Variants in DYNC2H1 observed in about 807,000 individuals in gnomAD.
DYNC2H1 encodes cytoplasmic dynein 2 heavy chain 1.
In DYNC2H1, 410 loss-of-function variants were observed where a neutral mutation model predicts 570.0. The observed-to-expected ratio is 0.72, with a 90% confidence interval of 0.66 to 0.78. The LOEUF (loss-of-function observed/expected upper bound fraction) is 0.78. Among genes scored for constraint, DYNC2H1 ranks in the 30% least tolerant of loss-of-function variants. The pLI, the probability that DYNC2H1 is intolerant of heterozygous loss-of-function variation, is 0.00. For synonymous variants in DYNC2H1, 1,688 were observed against 1,677.6 expected (o/e 1.01, Z -0.15); for missense variants, 4,865 against 5,046.4 (o/e 0.96, Z 1.09).
chr11:103,233,133 A>G (rs528068635), intron 60 of DYNC2H1, among the ~76,000 whole-genome samples: 28 of 152,178 alleles, frequency 1.8e-4, no homozygotes, highest in African/African-American at 6.7e-4. Context: ...ACTGTAAAGT[A>G]CATGCAACTT....
rs578105376 is a variant in DYNC2H1 at position 103,201,492 on chromosome 11, AAACAAC to A, written c.8197+1354_8197+1359del. Reference sequence around the variant, plus strand: ...ACGTTAGAATCACTAGGATAATTAAAAACAACAACAACAACAACAACTAAAAACGAA... The same window carrying A: ...ACGTTAGAATCACTAGGATAATTAAAAACAACAACAACAACTAAAAACGAA... On this transcript the variant is annotated intron_variant, in intron 50 of 88. Coordinates refer to ENST00000375735, the MANE Select transcript of DYNC2H1 (RefSeq NM_001377.3). This position sits in a 1 kb window ranked among gnomAD's most constrained non-coding sequence, Gnocchi z 4.8. 1.2e-4 allele frequency among the ~76,000 whole-genome samples: 18 copies of A among 152,098 alleles called. No homozygotes were observed. Among genetic ancestry groups the A allele is most frequent in the Non-Finnish European group, 1.9e-4 (13 of 68,010 alleles).
chr11:103,359,532 A>C (rs1367224047), intron 83 of DYNC2H1, among the ~76,000 whole-genome samples: 2 of 152,084 alleles, frequency 1.3e-5, no homozygotes, highest in African/African-American at 2.4e-5. Flanking sequence ...TTTTTCGATT[A>C]TTATGTAAAG....
At chr11:103,197,467 GAGAT>G (rs1862546574) in intron 47 of DYNC2H1, among the ~76,000 whole-genome samples, 2 of 151,882 alleles carry the variant, frequency 1.3e-5, no homozygotes, top group Admixed American at 1.3e-4. Flanking sequence ...TTATTTTTTT[GAGAT>G]AGATCTCACT....
chr11:103,119,147 T>C (rs1427315661), intron 6 of DYNC2H1, among the ~76,000 whole-genome samples: 2 of 152,322 alleles, frequency 1.3e-5, no homozygotes, highest in East Asian at 3.9e-4. Flanking sequence ...TAGATTAGTG[T>C]CATAGTAAGT....
At chr11:103,355,335 G>A (rs1363965595) in intron 82 of DYNC2H1, among the ~76,000 whole-genome samples, 1 of 151,996 alleles carries the variant, frequency 6.6e-6, no homozygotes, top group African/African-American at 2.4e-5. Flanking sequence ...AGAATTACTG[G>A]CAGTGACTAA....
chr11:103,203,715 A>G lies in DYNC2H1; in HGVS notation c.8250A>G (p.Pro2750=), dbSNP rs777165285. 2 of 1,612,462 alleles carry G rather than the reference A, an allele frequency of 1.2e-6. No individual in the cohort carries two copies. The highest frequency in any genetic ancestry group is 3.3e-5 in the Admixed American group (2 of 59,936). The part of the protein sequence containing the change: ...TLEELEPLLL[P]LKDQASQDGF... The stretch of plus-strand genomic sequence containing the variant: ...AAGAATTAGAGCCCTTGCTGTTACC[A>G]CTTAAGGATCAAGCTTCACAAGATG... The change falls in exon 51 of 89, where the codon CCA becomes CCG. Residue 2750 remains proline (P), a synonymous_variant. Transcript: ENST00000375735. This position sits in a 1 kb window ranked among gnomAD's most constrained non-coding sequence, Gnocchi z 4.7.
chr11:103,354,681 A>C lies in DYNC2H1; in HGVS notation c.12040-3562A>C, dbSNP rs557106446. On this transcript the variant is annotated intron_variant, in intron 82 of 88. Transcript: ENST00000375735. ...CTCATATTTTATATTTTCTCAAAAA[A>C]TAATTTTGCTAAATTTATAACAATG... is the stretch of plus-strand genomic sequence containing the variant. 3.9e-5 allele frequency among the ~76,000 whole-genome samples: 6 copies of C among 152,256 alleles called. No homozygotes were observed. In the East Asian group the frequency reaches 1.2e-3, roughly 29 times the overall value.
In DYNC2H1 at chr11:103,326,423, C is replaced by A. The variant is rs768727912; in HGVS notation, c.12039+2433C>A. 3.3e-5 allele frequency among the ~76,000 whole-genome samples: 5 copies of A among 152,122 alleles called. No individual in the cohort carries two copies. Among genetic ancestry groups the A allele is most frequent in the African/African-American group, 4.8e-5 (2 of 41,416 alleles). Reference sequence around the variant, plus strand: ...TTTCTGGGCCAGCCCTGTGGAGGGACGTACGAACCGCCTCTGTGCTGGCCC... The same window carrying A: ...TTTCTGGGCCAGCCCTGTGGAGGGAAGTACGAACCGCCTCTGTGCTGGCCC... On this transcript the variant is annotated intron_variant, in intron 82 of 88. Coordinates refer to ENST00000375735, the MANE Select transcript of DYNC2H1 (RefSeq NM_001377.3). The surrounding 1 kb of genome is among the most constrained non-coding windows in gnomAD (Gnocchi z 6.1).
Position 103,479,179 on chromosome 11 carries a change from A to G in DYNC2H1, c.12850A>G (p.Ile4284Val), listed in dbSNP as rs2135879619. ...SAERDRVVTN[I>V]DVPCGGNQDQ... ...TGAAAGGGATCGTGTGGTTACCAAT[A>G]TTGATGTTCCATGTGGGGGCAACCA... The change falls in exon 89 of 89, where the codon ATT becomes GTT. Residue 4284 changes from isoleucine to valine, a missense_variant. This residue lies in a region of DYNC2H1 where 2,401 missense variants were observed against 2,454.6 expected (regional missense o/e 0.98). Transcript: ENST00000375735. The G allele has an allele frequency of 6.2e-7, 1 of 1,613,858 alleles. No homozygotes were observed. The highest frequency in any genetic ancestry group is 2.2e-5 in the East Asian group (1 of 44,858).
At chr11:103,144,576 G>GTGTGCTGAAATCAATTA (rs1860140068) in intron 18 of DYNC2H1, among the ~76,000 whole-genome samples, 1 of 152,154 alleles carries the variant, frequency 6.6e-6, no homozygotes, top group Non-Finnish European at 1.5e-5. Context: ...CTGAAAATAT[G>GTGTGCTGAAATCAATTA]AAGTTGGTTA....
At chr11:103,321,465 T>G (rs997633954) in intron 81 of DYNC2H1, among the ~76,000 whole-genome samples, 1 of 152,124 alleles carries the variant, frequency 6.6e-6, no homozygotes, top group Non-Finnish European at 1.5e-5. Flanking sequence ...TAGGCTGGTA[T>G]ATAGACAGAT....
intron 31 of DYNC2H1, among the ~76,000 whole-genome samples, chr11:103,168,393 A>G (rs1046604428): frequency 4.6e-5 from 7 of 152,124 alleles, no homozygotes; most frequent in African/African-American, 1.7e-4. Flanking sequence ...GTCTTCCTCA[A>G]CCTGCCTGCT....
At chr11:103,389,050 T>C (rs1328739991) in intron 83 of DYNC2H1, among the ~76,000 whole-genome samples, 1 of 152,204 alleles carries the variant, frequency 6.6e-6, no homozygotes, top group Middle Eastern at 3.2e-3. Context: ...TCTTTTTCTA[T>C]TGATTGGAAT....
At position 103,254,795 on chromosome 11, in the gene DYNC2H1, G is replaced by A. The variant is rs367587690; in HGVS notation, c.10207-620G>A. On this transcript the variant is annotated intron_variant, in intron 66 of 88. Transcript: ENST00000375735. The surrounding 1 kb of genome is among the most constrained non-coding windows in gnomAD (Gnocchi z 4.9). Reference sequence around the variant, plus strand: ...TTATTTTATTTTATTTTTTTGAGACGGAGTCTGGCACTGTTGCCCAGGCTG... The same window carrying A: ...TTATTTTATTTTATTTTTTTGAGACAGAGTCTGGCACTGTTGCCCAGGCTG... Among the ~76,000 whole-genome samples, 439 of 151,672 alleles carry A rather than the reference G, an allele frequency of 2.9e-3. 1 individual carries two copies. Among genetic ancestry groups the A allele is most frequent in the South Asian group, 0.011 (53 of 4,794 alleles).
intron 47 of DYNC2H1, among the ~76,000 whole-genome samples, chr11:103,195,123 C>T (rs1333871231): frequency 6.6e-6 from 1 of 152,166 alleles, no homozygotes; most frequent in African/African-American, 2.4e-5. Context: ...GTAGGCTTGT[C>T]TCTTCATCCC....
intron 70 of DYNC2H1, among the ~76,000 whole-genome samples, chr11:103,260,224 C>T (rs1471258175): frequency 2.0e-5 from 3 of 152,146 alleles, no homozygotes; most frequent in Non-Finnish European, 4.4e-5. Flanking sequence ...TTCCAGTGGT[C>T]ACCAAAAGAG....
rs367895128 is a variant in DYNC2H1 at position 103,334,444 on chromosome 11, A to C, written c.12039+10454A>C. ...GGATAAATCAGTTTGCAAATTATAA[A>C]TATCAAATGTAAAATTTGGTTTCAT... On this transcript the variant is annotated intron_variant, in intron 82 of 88. Transcript: ENST00000375735. The surrounding 1 kb of genome is among the most constrained non-coding windows in gnomAD (Gnocchi z 4.3). 3.3e-5 allele frequency among the ~76,000 whole-genome samples: 5 copies of C among 152,322 alleles called. No homozygotes were observed. The East Asian group carries it at 9.6e-4, about 29-fold the overall frequency.
chr11:103,193,938 T>C (rs1322570517), intron 47 of DYNC2H1, among the ~76,000 whole-genome samples: 2 of 152,144 alleles, frequency 1.3e-5, no homozygotes, highest in Non-Finnish European at 2.9e-5. Context: ...TTAAGAAAAA[T>C]TTAATCTTGG....
intron 83 of DYNC2H1, among the ~76,000 whole-genome samples, chr11:103,387,598 T>A (rs983049175): frequency 2.6e-4 from 39 of 152,174 alleles, no homozygotes; most frequent in African/African-American, 5.3e-4. Context: ...CTGAATGGTA[T>A]TGCCTAGGTT....
Sources: gnomAD v4.1 joint callset for allele counts (sites outside exome capture counted in the v4.1 genomes callset) on GRCh38, gnomAD v4.1.1 for gene constraint, gnomAD v4.1.1 regional missense constraint, Gnocchi (gnomAD v3.1) non-coding constraint, MANE v1.5 for transcripts, NCBI Gene and HGNC (gene_info 2026-07-23, HGNC 2026-07-21) for gene names.